Variants in DLG2 observed in about 807,000 individuals in gnomAD.
DLG2 encodes the protein disks large homolog 2.
Under a neutral mutation model 132.5 loss-of-function variants are expected in DLG2, and 45 were observed. The ratio of observed to expected loss-of-function variants is 0.34; its 90% CI spans 0.27 to 0.44. DLG2 has a LOEUF of 0.44. Ranked by LOEUF, DLG2 falls within the 20% of genes least tolerant of loss-of-function variation. DLG2 has a pLI of 1.00. For missense variants in DLG2, 1,045 were observed against 1,196.9 expected (o/e 0.87, Z 1.87); for synonymous variants, 424 against 419.6 (o/e 1.01, Z -0.13).
At chr11:83,550,309 T>C (rs2142006033) in intron 19 of DLG2, among the ~76,000 whole-genome samples, 1 of 152,294 alleles carries the variant, frequency 6.6e-6, no homozygotes, top group South Asian at 2.1e-4. Flanking sequence ...AACAACTTTC[T>C]CTTTCTCTCT....
chr11:84,499,665 G>T (rs755728253), intron 7 of DLG2, among the ~76,000 whole-genome samples: 1 of 151,996 alleles, frequency 6.6e-6, no homozygotes, highest in South Asian at 2.1e-4. Context: ...TATTTGCCAG[G>T]TTAGCAGATC....
intron 21 of DLG2, among the ~76,000 whole-genome samples, chr11:83,516,400 T>C (rs1437231791): frequency 1.3e-5 from 2 of 152,202 alleles, no homozygotes; most frequent in Non-Finnish European, 2.9e-5. Context: ...CATCCCTTTA[T>C]TTTGAGCCTA....
At chr11:85,455,846 A>T (rs1455869605) in intron 3 of DLG2, among the ~76,000 whole-genome samples, 1 of 152,150 alleles carries the variant, frequency 6.6e-6, no homozygotes, top group Non-Finnish European at 1.5e-5. Context: ...TGTTGAGCCA[A>T]GCTTGCATCC....
rs141768857 is a variant in DLG2, at chr11:83,776,642, G to A, written c.1825+10048C>T. On this transcript the variant is annotated intron_variant, in intron 18 of 27. Transcript: ENST00000376104. The stretch of plus-strand genomic sequence containing the variant: ...ACACAGTCCTGTGTGATCTGTCTCT[G>A]CTTCTCTCTTCTGCCTCCTCCAGTG... Among the ~76,000 whole-genome samples, 37 of 152,268 alleles carry A rather than the reference G, an allele frequency of 2.4e-4. 1 individual carries two copies. The East Asian group carries it at 6.9e-3, about 29-fold the overall frequency.
At chr11:85,344,445 T>A (rs1270659390) in intron 3 of DLG2, among the ~76,000 whole-genome samples, 3 of 152,174 alleles carry the variant, frequency 2.0e-5, no homozygotes, top group African/African-American at 7.2e-5. Context: ...AACATAAAGA[T>A]ACGTGAAATT....
intron 6 of DLG2, among the ~76,000 whole-genome samples, chr11:84,615,833 A>AAAAAAAAAAT: frequency 6.8e-6 from 1 of 147,196 alleles, no homozygotes; most frequent in African/African-American, 2.5e-5. Flanking sequence ...AAAAAAAAAA[A>AAAAAAAAAAT]AAAAAAACTT....
intron 7 of DLG2, among the ~76,000 whole-genome samples, chr11:84,323,178 C>T (rs2098414059): frequency 6.6e-6 from 1 of 152,054 alleles, no homozygotes; most frequent in Admixed American, 6.6e-5. Context: ...AAAGTCTACA[C>T]CCATTGAACA....
At chr11:84,656,074 G>A (rs537540842) in intron 6 of DLG2, among the ~76,000 whole-genome samples, 2 of 152,210 alleles carry the variant, frequency 1.3e-5, no homozygotes, top group East Asian at 1.9e-4. Flanking sequence ...CAAAGGAACC[G>A]TACAGACACC....
intron 19 of DLG2, among the ~76,000 whole-genome samples, chr11:83,554,502 TG>T (rs2096473859): frequency 6.6e-6 from 1 of 152,208 alleles, no homozygotes; most frequent in Admixed American, 6.5e-5. Context: ...TACAGATACA[TG>T]AAAAAATTGC....
intron 6 of DLG2, among the ~76,000 whole-genome samples, chr11:84,742,580 C>T (rs574421521): frequency 6.6e-6 from 1 of 152,270 alleles, no homozygotes; most frequent in Non-Finnish European, 1.5e-5. Flanking sequence ...AAATGCATAG[C>T]ATTCCCTATT....
At chr11:84,661,904 A>G (rs1333338199) in intron 6 of DLG2, among the ~76,000 whole-genome samples, 1 of 152,204 alleles carries the variant, frequency 6.6e-6, no homozygotes, top group Non-Finnish European at 1.5e-5. Context: ...TTAAAGAAGC[A>G]CAAGACATAC....
intron 18 of DLG2, chr11:83,724,714 G>A: frequency 1.6e-6 from 1 of 620,346 alleles, no homozygotes; most frequent in South Asian, 1.8e-5. Context: ...GCAAGCAGTG[G>A]CTACTAACAA....
intron 25 of DLG2, among the ~76,000 whole-genome samples, chr11:83,467,119 T>C (rs951174432): frequency 2.0e-5 from 3 of 152,228 alleles, no homozygotes; most frequent in Non-Finnish European, 4.4e-5. Context: ...CCGTATGTTA[T>C]GTGACTGAGT....
At chr11:83,735,269 A>T (rs889608223) in intron 18 of DLG2, among the ~76,000 whole-genome samples, 6 of 152,064 alleles carry the variant, frequency 3.9e-5, no homozygotes, top group South Asian at 2.1e-4. Context: ...ATTGTTAAGG[A>T]TTATTGATTT....
intron 7 of DLG2, among the ~76,000 whole-genome samples, chr11:84,255,346 T>C (rs1001562469): frequency 6.6e-6 from 1 of 152,130 alleles, no homozygotes; most frequent in Non-Finnish European, 1.5e-5. Context: ...ATTTTTGAGA[T>C]GGGGTCTCGC....
At chr11:83,859,822 A>C (rs2154046554) in intron 16 of DLG2, among the ~76,000 whole-genome samples, 1 of 152,114 alleles carries the variant, frequency 6.6e-6, no homozygotes, top group East Asian at 1.9e-4. Flanking sequence ...GGGGGAAAAA[A>C]TGGTTTTGTC....
chr11:83,653,440 C>A (rs2153523737), intron 18 of DLG2, among the ~76,000 whole-genome samples: 1 of 152,298 alleles, frequency 6.6e-6, no homozygotes, highest in South Asian at 2.1e-4. Flanking sequence ...ATGCACGTTA[C>A]TATTTGTATG....
intron 10 of DLG2, among the ~76,000 whole-genome samples, chr11:84,083,392 A>G (rs2096930878): frequency 6.6e-6 from 1 of 152,230 alleles, no homozygotes; most frequent in African/African-American, 2.4e-5. Flanking sequence ...AACTACCACC[A>G]CAAAACCTAA....
chr11:85,087,832 G>A lies in DLG2; in HGVS notation c.357+23829C>T, dbSNP rs1234864784. 1.5e-3 allele frequency among the ~76,000 whole-genome samples: 116 copies of A among 78,796 alleles called. 6 individuals are homozygous for A. In the Admixed American group the frequency reaches 0.015, roughly 10 times the overall value. 51.7% of individuals were successfully genotyped at this position (78,796 alleles called of 152,430 possible). ...CGCAGTCCGGCCTGGGCGACAGAGC[G>A]AGACTCCGTCTCAAAAAAAAAAAAA... On this transcript the variant is annotated intron_variant, in intron 6 of 27. Coordinates refer to ENST00000376104, the MANE Select transcript of DLG2 (RefSeq NM_001142699.3).
Sources: allele counts gnomAD v4.1 joint callset (sites outside exome capture counted in the v4.1 genomes callset), GRCh38; gene constraint gnomAD v4.1.1; transcripts MANE v1.5; gene names NCBI Gene and HGNC (gene_info 2026-07-23, HGNC 2026-07-21).